PITPNM3: variants seen among roughly 807,000 people sequenced by gnomAD.
The protein encoded by PITPNM3 is membrane-associated phosphatidylinositol transfer protein 3.
A neutral mutation model predicts 102.0 loss-of-function variants in PITPNM3; 26 were observed. The observed-to-expected ratio is 0.25, with a 90% CI of 0.19 to 0.35. The LOEUF is 0.35. Ranked by LOEUF, PITPNM3 falls within the 10% of genes least tolerant of loss-of-function variation. PITPNM3 has a pLI of 1.00. For synonymous variants in PITPNM3, 578 were observed against 558.6 expected, an observed-to-expected ratio of 1.03 and a Z score of -0.49; for missense variants, 1,083 against 1,346.1, an observed-to-expected ratio of 0.80 and a Z score of 3.06.
intron 2 of PITPNM3, among the ~76,000 whole-genome samples, chr17:6,528,966 T>C (rs1417639133): frequency 1.3e-5 from 2 of 152,190 alleles, no homozygotes; most frequent in Admixed American, 6.5e-5. Flanking sequence ...GGCCACAGCG[T>C]GCTCATTTGT....
chr17:6,488,018 TAGCCTGCCAGATTC>T (rs1906202737), intron 4 of PITPNM3, among the ~76,000 whole-genome samples: 1 of 152,196 alleles, frequency 6.6e-6, no homozygotes, highest in East Asian at 1.9e-4. Context: ...AAGGGAGATC[TAGCCTGCCAGATTC>T]AGATTCTGGC....
chr17:6,540,295 G>A (rs1049199177), intron 1 of PITPNM3, among the ~76,000 whole-genome samples: 7 of 152,204 alleles, frequency 4.6e-5, no homozygotes, highest in South Asian at 2.1e-4. Context: ...TTCTGCAGGC[G>A]GGGAAGGAAA....
At chr17:6,506,741 G>A (rs1016128585) in intron 3 of PITPNM3, among the ~76,000 whole-genome samples, 2 of 152,074 alleles carry the variant, frequency 1.3e-5, no homozygotes, top group Non-Finnish European at 2.9e-5. Context: ...GCCCTCCCAG[G>A]CCCCAGGGTC....
At chr17:6,534,608 GT>G (rs1217743181) in intron 2 of PITPNM3, among the ~76,000 whole-genome samples, 2 of 152,176 alleles carry the variant, frequency 1.3e-5, no homozygotes, top group African/African-American at 4.8e-5. Context: ...TCTGGTGGTG[GT>G]GGGGGGCAGG....
intron 17 of PITPNM3, among the ~76,000 whole-genome samples, chr17:6,462,049 C>A (rs1212111194): frequency 6.6e-6 from 1 of 152,156 alleles, no homozygotes; most frequent in Admixed American, 6.5e-5. Context: ...CCACATCTAA[C>A]CTGAGCCCTG....
intron 4 of PITPNM3, among the ~76,000 whole-genome samples, chr17:6,488,118 C>G (rs1186940067): frequency 1.3e-5 from 2 of 152,160 alleles, no homozygotes; most frequent in East Asian, 3.9e-4. Context: ...TAGCAGAGGC[C>G]CCTGTAGACA....
At position 6,470,208 on chromosome 17, in the gene PITPNM3, C is replaced by T. The variant is rs555213587; in HGVS notation, c.1773+52G>A. 1.4e-5 allele frequency: 22 copies of T among 1,532,918 alleles called. No individual in the cohort carries two copies. The highest frequency in any genetic ancestry group is 9.6e-5 in the East Asian group (4 of 41,770). The allele number at this position is 1,532,918 out of a possible 1,614,324, so 95.0% of individuals were successfully genotyped here. On this transcript the variant is annotated intron_variant, in intron 13 of 19. Coordinates refer to ENST00000262483, the MANE Select transcript of PITPNM3 (RefSeq NM_031220.4). The surrounding 1 kb of genome is among the most constrained non-coding windows in gnomAD (Gnocchi z 4.8). ...GCCTCCTCTCCAGCTGGAGAAGGGG[C>T]GGTACCCCCTTGGGGTGGCTGTGGG...
At chr17:6,509,441 T>C (rs1907737944) in intron 3 of PITPNM3, among the ~76,000 whole-genome samples, 1 of 152,164 alleles carries the variant, frequency 6.6e-6, no homozygotes, top group African/African-American at 2.4e-5. Flanking sequence ...GGAATTCTCC[T>C]GATAAACCAG....
intron 3 of PITPNM3, among the ~76,000 whole-genome samples, chr17:6,516,627 C>G (rs1175019603): frequency 6.6e-6 from 1 of 150,830 alleles, no homozygotes; most frequent in Non-Finnish European, 1.5e-5. Flanking sequence ...GAAGGCTTCA[C>G]AGTAGTGAAA....
intron 2 of PITPNM3, among the ~76,000 whole-genome samples, chr17:6,526,049 A>C (rs141333294): frequency 1.7e-3 from 264 of 152,344 alleles, no homozygotes; most frequent in African/African-American, 6.1e-3. Flanking sequence ...TAACTGGAGG[A>C]GAAGAAACCT....
chr17:6,471,063 G>A (rs1219157502), intron 12 of PITPNM3, 98 bp downstream of exon 12: 3 of 1,417,758 alleles, frequency 2.1e-6, no homozygotes, highest in Admixed American at 3.8e-5. Flanking sequence ...CCTATCCCAG[G>A]GCCTGCCCTC....
At chr17:6,536,916 C>T (rs1909466499) in intron 2 of PITPNM3, among the ~76,000 whole-genome samples, 1 of 152,172 alleles carries the variant, frequency 6.6e-6, no homozygotes, top group South Asian at 2.1e-4. Flanking sequence ...GACCCTGGTG[C>T]TTCTCCCCAA....
intron 3 of PITPNM3, among the ~76,000 whole-genome samples, chr17:6,507,455 A>G (rs927850921): frequency 1.3e-5 from 2 of 152,092 alleles, no homozygotes; most frequent in African/African-American, 4.8e-5. Context: ...GTGGTGGCGC[A>G]TGCCTGTAAT....
chr17:6,491,359 C>A (rs142965241), intron 4 of PITPNM3, among the ~76,000 whole-genome samples: 32 of 152,262 alleles, frequency 2.1e-4, no homozygotes, highest in African/African-American at 7.7e-4. Context: ...TGGGAACCTG[C>A]GGCCACACAA....
Position 6,470,540 on chromosome 17 carries a change from G to T in PITPNM3, c.1625-132C>A. On this transcript the variant is annotated intron_variant, in intron 12 of 19. Coordinates refer to ENST00000262483, the MANE Select transcript of PITPNM3 (RefSeq NM_031220.4). This position sits in a 1 kb window ranked among gnomAD's most constrained non-coding sequence, Gnocchi z 4.8. ...GCACGGGTTTGGGCGGGAGCACCCT[G>T]GCCTGGAGGAGGCCTGGGGAACGCG... 8.2e-7 allele frequency: 1 copy of T among 1,221,028 alleles called. No homozygotes were observed. The highest frequency in any genetic ancestry group is 1.2e-6 in the Non-Finnish European group (1 of 844,064). The allele number at this position is 1,221,028 out of a possible 1,614,324, so 75.6% of individuals were successfully genotyped here.
chr17:6,466,250 T>C lies in PITPNM3; in HGVS notation c.1891-1479A>G, dbSNP rs182900967. Reference sequence around the variant, plus strand: ...TTCGCTATGACTAGACTCAGCGCCATCATCGCCAAGAAACACTCCTCGGAC... The same window carrying C: ...TTCGCTATGACTAGACTCAGCGCCACCATCGCCAAGAAACACTCCTCGGAC... On this transcript the variant is annotated intron_variant, in intron 14 of 19. Coordinates refer to ENST00000262483, the MANE Select transcript of PITPNM3 (RefSeq NM_031220.4). Among the ~76,000 whole-genome samples, 436 of 152,348 alleles carry C rather than the reference T, an allele frequency of 2.9e-3. 1 individual carries two copies. The highest frequency in any genetic ancestry group is 3.9e-3 in the Non-Finnish European group (267 of 68,036).
chr17:6,461,887 G>C (rs1478720877), intron 17 of PITPNM3, among the ~76,000 whole-genome samples: 1 of 147,534 alleles, frequency 6.8e-6, no homozygotes, highest in East Asian at 2.0e-4. Flanking sequence ...CAGGAAGAAA[G>C]CCTTTCGCTT....
At chr17:6,529,211 G>A (rs1330462987) in intron 2 of PITPNM3, among the ~76,000 whole-genome samples, 1 of 152,108 alleles carries the variant, frequency 6.6e-6, no homozygotes, top group Non-Finnish European at 1.5e-5. Flanking sequence ...CTCTACTCCT[G>A]TAAGCACAAC....
At chr17:6,495,842 G>C (rs1906773856) in intron 4 of PITPNM3, among the ~76,000 whole-genome samples, 1 of 152,176 alleles carries the variant, frequency 6.6e-6, no homozygotes, top group Non-Finnish European at 1.5e-5. Context: ...AAAAACAAAG[G>C]AAAGGGCGAT....
Sources: gnomAD v4.1 joint callset for allele counts (sites outside exome capture counted in the v4.1 genomes callset) on GRCh38, gnomAD v4.1.1 for gene constraint, Gnocchi (gnomAD v3.1) non-coding constraint, MANE v1.5 for transcripts, NCBI Gene and HGNC (gene_info 2026-07-23, HGNC 2026-07-21) for gene names.